Variants in TBXAS1 observed in about 807,000 individuals in gnomAD.
The protein encoded by TBXAS1 is thromboxane A synthase 1, also known as thromboxane-A synthase.
In TBXAS1, 48 loss-of-function variants were observed where a neutral mutation model predicts 60.7. The ratio of observed to expected loss-of-function variants is 0.79; its 90% CI spans 0.63 to 1.01. The LOEUF (loss-of-function observed/expected upper bound fraction) is 1.01. Among genes scored for constraint, TBXAS1 ranks in the 50% least tolerant of loss-of-function variants. The pLI is 0.00. For synonymous variants in TBXAS1, 287 were observed against 269.7 expected, an observed-to-expected ratio of 1.06 and a Z score of -0.63; for missense variants, 685 against 686.3, an observed-to-expected ratio of 1.00 and a Z score of 0.02.
intron 8 of TBXAS1, 86 bp from the exon 9 acceptor site, chr7:139,961,833 T>C (rs557033940): frequency 2.0e-6 from 3 of 1,522,584 alleles, no homozygotes; most frequent in Admixed American, 1.8e-5. Context: ...GCTATGCCCA[T>C]GTATCTTCCT....
intron 8 of TBXAS1, among the ~76,000 whole-genome samples, chr7:139,958,787 G>A (rs971223198): frequency 2.4e-4 from 37 of 152,190 alleles, no homozygotes; most frequent in African/African-American, 8.4e-4. Flanking sequence ...AGCCCCCTCG[G>A]CCCACACCAC....
chr7:139,837,007 T>C (rs1318234224), intron 1 of TBXAS1, among the ~76,000 whole-genome samples: 14 of 151,996 alleles, frequency 9.2e-5, no homozygotes, highest in South Asian at 2.1e-4. Context: ...AGAACATGAA[T>C]AGACAGTTCT....
At chr7:139,801,819 A>T (rs1318397807) in intron 4 of TBXAS1, among the ~76,000 whole-genome samples, 1 of 151,994 alleles carries the variant, frequency 6.6e-6, no homozygotes, top group Non-Finnish European at 1.5e-5. Context: ...GCTAGAGTGC[A>T]GTGGCCTGAT....
chr7:139,825,120 C>T (rs982047058), upstream of TBXAS1, among the ~76,000 whole-genome samples: 4 of 124,680 alleles, frequency 3.2e-5, no homozygotes, highest in African/African-American at 1.1e-4. Context: ...TGAGCCACTG[C>T]GCCCAGCCTG....
chr7:139,907,175 T>G (rs535664205), intron 3 of TBXAS1, among the ~76,000 whole-genome samples: 1 of 152,328 alleles, frequency 6.6e-6, no homozygotes, highest in East Asian at 1.9e-4. Flanking sequence ...GTAAGGTTTT[T>G]GTAGATGCCC....
At chr7:139,995,821 C>T (rs577658384) in intron 9 of TBXAS1, among the ~76,000 whole-genome samples, 22 of 152,238 alleles carry the variant, frequency 1.4e-4, no homozygotes, top group African/African-American at 5.1e-4. Context: ...ATGATGCGCT[C>T]CTGCCTCCCT....
At chr7:139,841,513 G>C (rs1264499004) in intron 1 of TBXAS1, among the ~76,000 whole-genome samples, 1 of 141,754 alleles carries the variant, frequency 7.1e-6, no homozygotes, top group African/African-American at 2.6e-5. Context: ...TTGTATTTTT[G>C]TCTAGGATAT....
At chr7:139,838,804 G>A (rs540824659) in intron 1 of TBXAS1, among the ~76,000 whole-genome samples, 2 of 152,320 alleles carry the variant, frequency 1.3e-5, no homozygotes, top group Admixed American at 1.3e-4. Flanking sequence ...GTGAACTGGG[G>A]CATCAGGGGA....
chr7:139,855,956 C>A (rs530526949), intron 1 of TBXAS1, among the ~76,000 whole-genome samples: 2 of 152,292 alleles, frequency 1.3e-5, no homozygotes, highest in South Asian at 4.1e-4. Context: ...ACCACAGTTT[C>A]CTTATTTAAC....
chr7:139,818,114 C>T (rs1187051500), intron 4 of TBXAS1, among the ~76,000 whole-genome samples: 2 of 152,152 alleles, frequency 1.3e-5, no homozygotes, highest in East Asian at 3.8e-4. Flanking sequence ...TAGAGGCAAG[C>T]TCACTGAGTA....
intron 1 of TBXAS1, among the ~76,000 whole-genome samples, chr7:139,848,604 C>T (rs1799989575): frequency 6.6e-6 from 1 of 152,134 alleles, no homozygotes. Context: ...TAATGGGACC[C>T]AGGCTGAAGA....
chr7:139,821,320 C>A (rs539168713), intron 4 of TBXAS1, among the ~76,000 whole-genome samples: 2 of 152,232 alleles, frequency 1.3e-5, no homozygotes, highest in Non-Finnish European at 2.9e-5. Flanking sequence ...GTCCAGTGGG[C>A]AGCTGGATAT....
rs1815195956 is a variant in TBXAS1 at position 140,017,727 on chromosome 7, C to T, written c.1421C>T (p.Ala474Val). The change falls in exon 12 of 13, where the codon GCC becomes GTC. Residue 474 changes from alanine (A) to valine (V), a missense_variant. Coordinates refer to ENST00000448866, the MANE Select transcript of TBXAS1 (RefSeq NM_001061.7). ...CCCTTCACGTACCTGCCCTTCGGGG[C>T]CGGCCCACGGAGCTGCCTCGGGGTG... Reference protein sequence around the residue: ...HRPFTYLPFGAGPRSCLGVRL... With the variant: ...HRPFTYLPFGVGPRSCLGVRL... 1.2e-6 allele frequency: 2 copies of T among 1,613,886 alleles called. No homozygotes were observed. The highest frequency in any genetic ancestry group is 1.3e-5 in the African/African-American group (1 of 74,916).
At chr7:139,807,696 T>C (rs1245688309) in intron 4 of TBXAS1, among the ~76,000 whole-genome samples, 2 of 152,148 alleles carry the variant, frequency 1.3e-5, no homozygotes, top group Admixed American at 6.5e-5. Flanking sequence ...TTTTTTCTTT[T>C]TTTTAAAGAC....
At chr7:139,805,006 C>A (rs1309538778) in intron 4 of TBXAS1, among the ~76,000 whole-genome samples, 1 of 152,208 alleles carries the variant, frequency 6.6e-6, no homozygotes, top group African/African-American at 2.4e-5. Flanking sequence ...TCACAGCTTA[C>A]CTGAAGTCAA....
chr7:139,805,704 TTCTTTCTTTCTCTC>T (rs1272288427), intron 4 of TBXAS1, among the ~76,000 whole-genome samples: 1 of 32,864 alleles, frequency 3.0e-5, no homozygotes, highest in African/African-American at 1.2e-4. Flanking sequence ...CTTTCTTTCT[TTCTTTCTTTCTCTC>T]TCTCTCTCTC....
At chr7:139,946,909 T>G (rs1808766994) in intron 5 of TBXAS1, among the ~76,000 whole-genome samples, 1 of 152,204 alleles carries the variant, frequency 6.6e-6, no homozygotes, top group Admixed American at 6.5e-5. Flanking sequence ...TTGCTATGCT[T>G]GGGGCAAGTA....
At chr7:139,981,920 TGACA>T (rs1272938736) in intron 9 of TBXAS1, among the ~76,000 whole-genome samples, 2 of 152,260 alleles carry the variant, frequency 1.3e-5, no homozygotes, top group Admixed American at 6.5e-5. Flanking sequence ...TGGAGTGTGA[TGACA>T]GATAGTGAAT....
At chr7:139,913,437 A>G (rs1216475495) in intron 4 of TBXAS1, 5 of 401,098 alleles carry the variant, frequency 1.2e-5, no homozygotes, top group East Asian at 4.2e-5. Flanking sequence ...CTGTCATAGC[A>G]CTTGAGACTG....
Sources: allele counts gnomAD v4.1 joint callset (sites outside exome capture counted in the v4.1 genomes callset), GRCh38; gene constraint gnomAD v4.1.1; transcripts MANE v1.5; gene names NCBI Gene and HGNC (gene_info 2026-07-23, HGNC 2026-07-21).